RASAL2: variants seen among roughly 807,000 people sequenced by gnomAD.
The protein encoded by RASAL2 is RAS protein activator like 2.
RASAL2 carries 58 observed loss-of-function variants against 128.9 expected under a neutral mutation model. The observed-to-expected ratio is 0.45, with a 90% CI of 0.36 to 0.56. RASAL2 has a LOEUF of 0.56. Ranked by LOEUF, RASAL2 falls within the 20% of genes least tolerant of loss-of-function variation. RASAL2 has a pLI of 0.00. For synonymous variants in RASAL2, 561 were observed against 580.8 expected, an observed-to-expected ratio of 0.97 and a Z score of 0.49; for missense variants, 1,360 against 1,601.6, an observed-to-expected ratio of 0.85 and a Z score of 2.57.
intron 5 of RASAL2, among the ~76,000 whole-genome samples, chr1:178,432,838 A>C (rs1676007459): frequency 6.6e-6 from 1 of 152,114 alleles, no homozygotes; most frequent in African/African-American, 2.4e-5. Flanking sequence ...TACCATAATC[A>C]ATGAACTGGT....
intron 1 of RASAL2, among the ~76,000 whole-genome samples, chr1:178,139,665 A>G (rs1368879177): frequency 6.6e-6 from 1 of 151,968 alleles, no homozygotes; most frequent in African/African-American, 2.4e-5. Context: ...TATTGGTACT[A>G]TACCACATGA....
At chr1:178,384,807 A>T (rs1215381835) in intron 3 of RASAL2, among the ~76,000 whole-genome samples, 1 of 152,100 alleles carries the variant, frequency 6.6e-6, no homozygotes, top group Non-Finnish European at 1.5e-5. Context: ...AAGAAAAAAA[A>T]TTTAAATTAT....
At chr1:178,288,013 A>G (rs1667109948) in intron 2 of RASAL2, among the ~76,000 whole-genome samples, 1 of 152,154 alleles carries the variant, frequency 6.6e-6, no homozygotes, top group African/African-American at 2.4e-5. Context: ...AATATATAAG[A>G]CCAAATTTTT....
chr1:178,358,456 C>A (rs1163421479), intron 3 of RASAL2, among the ~76,000 whole-genome samples: 3 of 152,068 alleles, frequency 2.0e-5, no homozygotes, highest in African/African-American at 4.8e-5. Context: ...ATACAAAGAA[C>A]TGCTATCTAT....
chr1:178,464,831 GTTTT>G (rs986789340), intron 15 of RASAL2, among the ~76,000 whole-genome samples: 1,082 of 38,144 alleles, frequency 0.028, 2 homozygotes, highest in Middle Eastern at 0.077. Context: ...GGTTTTAGTT[GTTTT>G]TTTTTTTTTT....
chr1:178,258,930 A>G (rs991558151), intron 1 of RASAL2, among the ~76,000 whole-genome samples: 2 of 152,132 alleles, frequency 1.3e-5, no homozygotes, highest in Non-Finnish European at 2.9e-5. Context: ...TCAGCCCTAA[A>G]AAGAATGTAG....
intron 14 of RASAL2, among the ~76,000 whole-genome samples, chr1:178,459,313 A>T (rs1425009601): frequency 6.6e-6 from 1 of 151,964 alleles, no homozygotes; most frequent in Admixed American, 6.6e-5. Context: ...CCTTTGAAAC[A>T]AACTACTGTT....
At chr1:178,372,039 T>C (rs1400851162) in intron 3 of RASAL2, 1 of 450,558 alleles carries the variant, frequency 2.2e-6, no homozygotes, top group Non-Finnish European at 2.9e-6. Flanking sequence ...CCTATTTCTT[T>C]CCCCCTCCCC....
chr1:178,175,311 G>A (rs1661843914), intron 1 of RASAL2, among the ~76,000 whole-genome samples: 1 of 151,832 alleles, frequency 6.6e-6, no homozygotes. Context: ...ATACCTGCAA[G>A]GGTTTATGAT....
chr1:178,467,620 C>T (rs1292136872), intron 17 of RASAL2, among the ~76,000 whole-genome samples, 199 bp downstream of exon 17: 1 of 152,224 alleles, frequency 6.6e-6, no homozygotes, highest in Non-Finnish European at 1.5e-5. Context: ...AGTCTGTTTA[C>T]TCAGCAAAGT....
chr1:178,334,165 GTAA>G (rs1213120075), intron 3 of RASAL2, among the ~76,000 whole-genome samples: 1 of 151,838 alleles, frequency 6.6e-6, no homozygotes, highest in Non-Finnish European at 1.5e-5. Context: ...TTTAATACTA[GTAA>G]TAATTTTTTA....
chr1:178,165,201 G>T (rs180762199), intron 1 of RASAL2, among the ~76,000 whole-genome samples: 159 of 152,072 alleles, frequency 1.0e-3, no homozygotes, highest in Middle Eastern at 6.8e-3. Context: ...ATATATATGT[G>T]TGTGTGTATC....
At chr1:178,333,495 T>G (rs1437729056) in intron 3 of RASAL2, among the ~76,000 whole-genome samples, 1 of 151,660 alleles carries the variant, frequency 6.6e-6, no homozygotes, top group Non-Finnish European at 1.5e-5. Context: ...ACTAAACTTT[T>G]GGGAGTTATT....
At chr1:178,328,164 C>T (rs1669124869) in intron 3 of RASAL2, among the ~76,000 whole-genome samples, 1 of 152,194 alleles carries the variant, frequency 6.6e-6, no homozygotes. Context: ...TTCTGCTATA[C>T]AGACTATCTC....
chr1:178,275,931 A>G (rs1013259635), intron 1 of RASAL2, among the ~76,000 whole-genome samples: 1 of 152,228 alleles, frequency 6.6e-6, no homozygotes, highest in Non-Finnish European at 1.5e-5. Flanking sequence ...AGGTTAAAAG[A>G]CACAATATAA....
intron 1 of RASAL2, among the ~76,000 whole-genome samples, chr1:178,191,815 G>A (rs993917643): frequency 2.6e-5 from 4 of 152,142 alleles, no homozygotes; most frequent in African/African-American, 7.2e-5. Flanking sequence ...CAGACAATAA[G>A]TAAATGTTTA....
chr1:178,303,837 C>T (rs776634395), intron 3 of RASAL2, among the ~76,000 whole-genome samples: 6 of 152,060 alleles, frequency 3.9e-5, no homozygotes, highest in Non-Finnish European at 7.4e-5. Flanking sequence ...GAGGAACAGA[C>T]ACAAATTAGT....
intron 1 of RASAL2, among the ~76,000 whole-genome samples, chr1:178,249,912 G>A (rs1038168587): frequency 6.6e-6 from 1 of 152,180 alleles, no homozygotes; most frequent in African/African-American, 2.4e-5. Flanking sequence ...CAGCAAAATT[G>A]CTACCTGTTC....
intron 1 of RASAL2, among the ~76,000 whole-genome samples, chr1:178,115,833 G>A (rs1033745136): frequency 6.6e-6 from 1 of 152,042 alleles, no homozygotes; most frequent in Non-Finnish European, 1.5e-5. Flanking sequence ...AAAGAGAAGT[G>A]GACAGATTTT....
Sources: allele counts gnomAD v4.1 joint callset (sites outside exome capture counted in the v4.1 genomes callset), GRCh38; gene constraint gnomAD v4.1.1; transcripts MANE v1.5; gene names NCBI Gene and HGNC (gene_info 2026-07-23, HGNC 2026-07-21).